The following PAG1 variants were observed in gnomAD, a reference collection of about 807,000 sequenced individuals.
PAG1 encodes phosphoprotein associated with glycosphingolipid-enriched microdomains 1.
PAG1 carries 23 observed loss-of-function variants against 31.7 expected under a neutral mutation model. The ratio of observed to expected loss-of-function variants is 0.73; its 90% CI spans 0.52 to 1.03. The LOEUF (loss-of-function observed/expected upper bound fraction) is 1.03, where lower values mean the gene tolerates loss of function less well. PAG1 is among the 50% of genes least tolerant of loss of function. The pLI is 0.00. For missense variants in PAG1, 473 were observed against 540.7 expected, an observed-to-expected ratio of 0.87 and a Z score of 1.24; for synonymous variants, 214 against 210.3, an observed-to-expected ratio of 1.02 and a Z score of -0.15.
intron 8 of PAG1, among the ~76,000 whole-genome samples, chr8:80,978,861 T>C (rs1189823221): frequency 6.6e-6 from 1 of 152,226 alleles, no homozygotes; most frequent in African/African-American, 2.4e-5. Flanking sequence ...AGCTTCTCAA[T>C]TTTTCTCTTT....
chr8:81,083,482 C>T (rs564838442), intron 1 of PAG1, among the ~76,000 whole-genome samples: 9 of 152,028 alleles, frequency 5.9e-5, no homozygotes, highest in Non-Finnish European at 1.2e-4. Flanking sequence ...TGCCTTGGGA[C>T]ACCCCAGCTC....
intron 2 of PAG1, among the ~76,000 whole-genome samples, chr8:81,048,456 C>T (rs912906940): frequency 6.6e-6 from 1 of 152,076 alleles, no homozygotes; most frequent in Non-Finnish European, 1.5e-5. Context: ...GGGCTACCAT[C>T]CATGAATATG....
intron 2 of PAG1, among the ~76,000 whole-genome samples, chr8:81,045,620 G>T (rs1193663532): frequency 6.6e-6 from 1 of 152,080 alleles, no homozygotes; most frequent in Admixed American, 6.5e-5. Context: ...TGTGGTGATG[G>T]TTACACAGCT....
At position 81,006,668 on chromosome 8, in the gene PAG1, AT is replaced by A. The variant is rs563474235; in HGVS notation, c.-80-13362del. On this transcript the variant is annotated intron_variant, in intron 3 of 8. Transcript: ENST00000220597. ...CACACTGTCTTCCTCGAGATTTTCCATTTTTTTTTTCTATTTGGAAATCATG... is the reference window on the plus strand; with the variant it reads ...CACACTGTCTTCCTCGAGATTTTCCATTTTTTTTTCTATTTGGAAATCATG... 9.2e-3 allele frequency among the ~76,000 whole-genome samples: 1,386 copies of A among 150,516 alleles called. 20 individuals are homozygous for A. Among genetic ancestry groups the A allele is most frequent in the African/African-American group, 0.032 (1,294 of 41,010 alleles).
rs369804591 is a variant in PAG1 at position 81,081,643 on chromosome 8, C to A, written c.-233-11473G>T. On this transcript the variant is annotated intron_variant, in intron 1 of 8. Transcript: ENST00000220597. ...CTCATCTCTATTTGTACGACTTTATCATTTAAAGAATGTTATATAAATGGA... is the reference window on the plus strand; with the variant it reads ...CTCATCTCTATTTGTACGACTTTATAATTTAAAGAATGTTATATAAATGGA... Among the ~76,000 whole-genome samples the A allele has an allele frequency of 5.9e-5, 9 of 152,238 alleles. 2 individuals carry two copies. Among genetic ancestry groups the A allele is most frequent in the Admixed American group, 3.3e-4 (5 of 15,284 alleles).
At chr8:81,004,039 G>A (rs1807832475) in intron 3 of PAG1, among the ~76,000 whole-genome samples, 1 of 152,152 alleles carries the variant, frequency 6.6e-6, no homozygotes, top group East Asian at 1.9e-4. Context: ...TGACTTACAA[G>A]TCTCGTTATT....
intron 3 of PAG1, among the ~76,000 whole-genome samples, chr8:81,025,898 T>TG (rs1403422047): frequency 2.6e-5 from 4 of 152,082 alleles, no homozygotes; most frequent in Admixed American, 6.5e-5. Flanking sequence ...TGTACCTCTG[T>TG]GGGGGCAGTG....
At chr8:81,099,933 T>C (rs1416190883) in intron 1 of PAG1, among the ~76,000 whole-genome samples, 2 of 152,262 alleles carry the variant, frequency 1.3e-5, no homozygotes, top group Non-Finnish European at 2.9e-5. Context: ...ACACTTTTTA[T>C]GTCAACACCT....
intron 1 of PAG1, among the ~76,000 whole-genome samples, chr8:81,089,975 A>G (rs978645231): frequency 3.3e-5 from 5 of 152,332 alleles, no homozygotes; most frequent in Non-Finnish European, 5.9e-5. Context: ...AACTCTGCAT[A>G]TATCTTTCCA....
chr8:81,084,016 C>T (rs886888873), intron 1 of PAG1, among the ~76,000 whole-genome samples: 1 of 150,040 alleles, frequency 6.7e-6, no homozygotes, highest in South Asian at 2.1e-4. Context: ...GCATGGGCAA[C>T]AGAGCGAGAC....
rs187896717 is a variant in PAG1, at chr8:81,018,497, C to T, written c.-81+11499G>A. ...TAAATCTCATCTTGAATTGTAGTTC[C>T]CATTATTCCCACATGTTGTGGGAGG... On this transcript the variant is annotated intron_variant, in intron 3 of 8. Transcript: ENST00000220597. 3.0e-3 allele frequency among the ~76,000 whole-genome samples: 451 copies of T among 152,242 alleles called. 2 individuals carry two copies. Among genetic ancestry groups the T allele is most frequent in the African/African-American group, 0.01 (429 of 41,530 alleles).
chr8:81,026,767 C>T (rs977030239), intron 3 of PAG1, among the ~76,000 whole-genome samples: 9 of 152,202 alleles, frequency 5.9e-5, no homozygotes, highest in Non-Finnish European at 1.0e-4. Flanking sequence ...CCTGCCAGTT[C>T]TGCTGCTGCA....
chr8:81,038,880 A>G (rs1355740804), intron 2 of PAG1, among the ~76,000 whole-genome samples: 2 of 152,208 alleles, frequency 1.3e-5, no homozygotes, highest in African/African-American at 4.8e-5. Context: ...ATGGAACTTT[A>G]GAGAAATTCT....
intron 3 of PAG1, among the ~76,000 whole-genome samples, chr8:81,013,746 A>AT (rs1405070328): frequency 6.6e-6 from 1 of 151,938 alleles, no homozygotes; most frequent in African/African-American, 2.4e-5. Context: ...TGCCTGGCTA[A>AT]TTTTTGTATT....
At chr8:81,018,264 A>G (rs1253994468) in intron 3 of PAG1, among the ~76,000 whole-genome samples, 1 of 152,242 alleles carries the variant, frequency 6.6e-6, no homozygotes, top group Non-Finnish European at 1.5e-5. Context: ...TAAGTGTACA[A>G]TCTTAAAGTA....
At chr8:81,107,326 C>G (rs549746860) in intron 1 of PAG1, among the ~76,000 whole-genome samples, 38 of 152,248 alleles carry the variant, frequency 2.5e-4, no homozygotes, top group African/African-American at 8.7e-4. Flanking sequence ...ACCTGGGGAC[C>G]AAGCAAGATA....
intron 2 of PAG1, among the ~76,000 whole-genome samples, chr8:81,032,744 A>G (rs1808396861): frequency 6.6e-6 from 1 of 152,228 alleles, no homozygotes; most frequent in South Asian, 2.1e-4. Flanking sequence ...AAATGAAACT[A>G]TACGTCCACA....
At chr8:81,057,031 C>G (rs534372967) in intron 2 of PAG1, among the ~76,000 whole-genome samples, 173 of 152,292 alleles carry the variant, frequency 1.1e-3, no homozygotes, top group African/African-American at 3.9e-3. Context: ...TACCATCTCA[C>G]AACAGTTAGA....
Position 80,973,677 on chromosome 8 carries a change from CTG to C in PAG1, c.*2865_*2866del, listed in dbSNP as rs1473817946. 6.6e-6 allele frequency: 1 copy of C among 152,180 alleles called. No individual in the cohort carries two copies. The highest frequency in any genetic ancestry group is 6.5e-5 in the Admixed American group (1 of 15,278). The allele number at this position is 152,180 out of a possible 1,614,324, so 9.4% of individuals were successfully genotyped here. On this transcript the variant is annotated 3_prime_UTR_variant, in exon 9 of 9. Transcript: ENST00000220597. ...CTACCTTTCATACATTTTATTTAAA[CTG>C]TAGCATTAGCTCAAGATGAAACTTT...
Sources: allele counts gnomAD v4.1 joint callset (sites outside exome capture counted in the v4.1 genomes callset), GRCh38; gene constraint gnomAD v4.1.1; transcripts MANE v1.5; gene names NCBI Gene and HGNC (gene_info 2026-07-23, HGNC 2026-07-21).